Variants in ZC3H13 observed in about 807,000 individuals in gnomAD.
ZC3H13 encodes the protein zinc finger CCCH domain-containing protein 13.
In ZC3H13, 64 loss-of-function variants were observed where a neutral mutation model predicts 204.1. The ratio of observed to expected loss-of-function variants is 0.31; its 90% confidence interval spans 0.26 to 0.39. The LOEUF (loss-of-function observed/expected upper bound fraction) is 0.39. Among genes scored for constraint, ZC3H13 ranks in the 10% least tolerant of loss-of-function variants. The pLI is 1.00. For missense variants in ZC3H13, 1,833 were observed against 2,082.7 expected, an observed-to-expected ratio of 0.88 and a Z score of 2.33; for synonymous variants, 667 against 693.7, an observed-to-expected ratio of 0.96 and a Z score of 0.60.
chr13:46,026,053 C>T (rs2042524913), intron 4 of ZC3H13, among the ~76,000 whole-genome samples: 1 of 151,882 alleles, frequency 6.6e-6, no homozygotes, highest in Non-Finnish European at 1.5e-5. Context: ...GTTTCAGATC[C>T]TTTCAATATT....
At chr13:45,987,989 G>A (rs2039670935) in intron 9 of ZC3H13, among the ~76,000 whole-genome samples, 1 of 152,168 alleles carries the variant, frequency 6.6e-6, no homozygotes, top group Non-Finnish European at 1.5e-5. Context: ...AAGGAAAACT[G>A]CTTCGCTTAC....
At chr13:45,980,050 T>G in intron 10 of ZC3H13, 46 bp from the exon 11 acceptor site, 1 of 1,492,476 alleles carries the variant, frequency 6.7e-7, no homozygotes, top group Non-Finnish European at 9.0e-7. Flanking sequence ...TACACTTTAT[T>G]CAACAAATTT....
intron 4 of ZC3H13, among the ~76,000 whole-genome samples, chr13:46,027,106 T>C (rs907216331): frequency 1.3e-5 from 2 of 152,172 alleles, no homozygotes; most frequent in Non-Finnish European, 2.9e-5. Flanking sequence ...AGGTGTTTTT[T>C]ATTTTTTTTT....
chr13:46,044,071 A>G (rs1285693765), intron 3 of ZC3H13, among the ~76,000 whole-genome samples: 2 of 151,834 alleles, frequency 1.3e-5, no homozygotes, highest in Non-Finnish European at 2.9e-5. Flanking sequence ...AAAATGTACA[A>G]TGTTTACGTG....
At chr13:45,975,923 T>C (rs1340853693) in intron 11 of ZC3H13, 85 bp from the exon 12 acceptor site, 17 of 1,357,404 alleles carry the variant, frequency 1.3e-5, no homozygotes, top group African/African-American at 3.3e-5. Flanking sequence ...AAATTTTATC[T>C]GTGATAGGGT....
intron 7 of ZC3H13, 133 bp from the exon 8 acceptor site, chr13:46,003,469 A>C: frequency 1.4e-6 from 1 of 718,088 alleles, no homozygotes; most frequent in Non-Finnish European, 2.2e-6. Context: ...AACCAATATC[A>C]AGAAGAAAAA....
chr13:46,025,311 C>T (rs2042476832), intron 4 of ZC3H13, among the ~76,000 whole-genome samples: 1 of 152,078 alleles, frequency 6.6e-6, no homozygotes, highest in African/African-American at 2.4e-5. Flanking sequence ...TCCCATCTAT[C>T]GATCTATCTA....
chr13:46,010,283 C>T, intron 7 of ZC3H13, 65 bp downstream of exon 7: 3 of 1,447,430 alleles, frequency 2.1e-6, no homozygotes, highest in Non-Finnish European at 2.8e-6. Context: ...TTATAACCTA[C>T]TAATTCTTTT....
chr13:46,011,088 C>A (rs185425658), intron 6 of ZC3H13, among the ~76,000 whole-genome samples: 1 of 152,152 alleles, frequency 6.6e-6, no homozygotes, highest in East Asian at 1.9e-4. Flanking sequence ...TGTATCTTCA[C>A]TTTTTAGAAA....
chr13:45,975,579 A>C lies in ZC3H13; in HGVS notation c.2172T>G (p.Asp724Glu), dbSNP rs889939270. ...GGTCTCGGTCTCTATCCCTTTCACG[A>C]TCTCTCTCTTTTTCTCTTTCTCTCT... Reference protein sequence around the residue: ...EREREREKERDRERDRDRDHD... With the variant: ...EREREREKERERERDRDRDHD... The change falls in exon 12 of 19, where the codon GAT (aspartate) becomes GAG (glutamate). Residue 724 changes from aspartate (D) to glutamate (E), a missense_variant. Transcript: ENST00000679008. The C allele has an allele frequency of 3.9e-6, 6 of 1,556,306 alleles. No individual in the cohort carries two copies. Among genetic ancestry groups the C allele is most frequent in the Admixed American group, 3.9e-5 (2 of 51,186 alleles).
rs774706559 is a variant in ZC3H13, at chr13:45,968,069, G to A, written c.3797-41C>T. 2.9e-5 allele frequency: 44 copies of A among 1,496,146 alleles called. No individual in the cohort carries two copies. The Admixed American group carries it at 1.0e-3, about 35-fold the overall frequency. The allele number at this position is 1,496,146 out of a possible 1,614,324, so 92.7% of individuals were successfully genotyped here. ...CATATATAAAGAGTTATTAGCACAT[G>A]ATAAAATAGAAACAAAATGCTTCAT... is the stretch of plus-strand genomic sequence containing the variant. On this transcript the variant is annotated intron_variant, in intron 14 of 18. Coordinates refer to ENST00000679008, the MANE Select transcript of ZC3H13 (RefSeq NM_001330564.2).
At position 45,969,049 on chromosome 13, in the gene ZC3H13, T is replaced by C; in HGVS notation, c.3495A>G (p.Val1165=). 5.0e-6 allele frequency: 8 copies of C among 1,614,220 alleles called. No homozygotes were observed. Among genetic ancestry groups the C allele is most frequent in the Non-Finnish European group, 5.9e-6 (7 of 1,180,030 alleles). ...TCACGTGAGGCGTCTCTACTTTTTC[T>C]ACTCGTGTTCTGTGGCATTTTCTGT... The part of the protein sequence containing the change: ...DSHRKCHRTR[V]EKVETPHVTI... The change falls in exon 14 of 19, where the codon GTA becomes GTG. Residue 1165 remains valine (V), a synonymous_variant. Transcript: ENST00000679008.
intron 4 of ZC3H13, among the ~76,000 whole-genome samples, chr13:46,030,545 C>T (rs1246960685): frequency 6.6e-6 from 1 of 152,182 alleles, no homozygotes; most frequent in Non-Finnish European, 1.5e-5. Context: ...AACTTCAAGA[C>T]TTCCTATAAA....
At chr13:45,962,184 T>C (rs1593443935) in intron 17 of ZC3H13, 3 of 985,290 alleles carry the variant, frequency 3.0e-6, no homozygotes, top group South Asian at 9.4e-5. Flanking sequence ...GATATGGCAG[T>C]AAACAAGACA....
chr13:46,021,158 T>C (rs1299732101), intron 4 of ZC3H13, among the ~76,000 whole-genome samples: 2 of 151,968 alleles, frequency 1.3e-5, no homozygotes, highest in Admixed American at 6.6e-5. Context: ...TTTACAAAAA[T>C]ATATTTTACC....
intron 4 of ZC3H13, among the ~76,000 whole-genome samples, chr13:46,025,992 G>A (rs1247401955): frequency 6.6e-6 from 1 of 151,712 alleles, no homozygotes; most frequent in Non-Finnish European, 1.5e-5. Flanking sequence ...TACAGTTTTA[G>A]AATATATATA....
At chr13:46,002,662 C>T (rs565017422) in intron 8 of ZC3H13, among the ~76,000 whole-genome samples, 2 of 152,206 alleles carry the variant, frequency 1.3e-5, no homozygotes, top group East Asian at 3.9e-4. Context: ...GTGAAATAAG[C>T]CTGTCAAAAA....
At chr13:45,981,936 T>C (rs907214254) in intron 10 of ZC3H13, among the ~76,000 whole-genome samples, 1 of 150,866 alleles carries the variant, frequency 6.6e-6, no homozygotes, top group African/African-American at 2.4e-5. Flanking sequence ...AGTTAATGGG[T>C]GCAGCACACC....
Position 46,042,176 on chromosome 13 carries a change from G to A in ZC3H13, c.327C>T (p.Ser109=), listed in dbSNP as rs141338398. Residue 109 remains serine, a synonymous_variant, in exon 4 of 19, where the codon TCC becomes TCT. Transcript: ENST00000679008. ...EPQKRNTEES[S]SPVRKESSRG... Reference sequence around the variant, plus strand: ...AATTCAATCCTACCCTAACAGGTGAGGATGACTCCTCTGTATTTCGTTTCT... The same window carrying A: ...AATTCAATCCTACCCTAACAGGTGAAGATGACTCCTCTGTATTTCGTTTCT... 6.4e-5 allele frequency: 103 copies of A among 1,612,968 alleles called. No homozygotes were observed. The African/African-American group carries it at 1.3e-3, about 20-fold the overall frequency.
Sources: gnomAD v4.1 joint callset for allele counts (sites outside exome capture counted in the v4.1 genomes callset) on GRCh38, gnomAD v4.1.1 for gene constraint, MANE v1.5 for transcripts, NCBI Gene and HGNC (gene_info 2026-07-23, HGNC 2026-07-21) for gene names.